Variants in CFAP90 observed in about 807,000 individuals in gnomAD.
CFAP90 encodes the protein cilia and flagella associated protein 90.
the CFAP90 span, among the ~76,000 whole-genome samples, chr5:7,837,542 C>T: frequency 6.6e-6 from 1 of 152,188 alleles, no homozygotes; most frequent in Admixed American, 6.5e-5. Context: ...TTGGAAAATA[C>T]ATAATGCCCA....
chr5:7,848,108 T>G, the CFAP90 span, among the ~76,000 whole-genome samples: 1 of 152,202 alleles, frequency 6.6e-6, no homozygotes, highest in African/African-American at 2.4e-5. Context: ...TATTGCATAC[T>G]TAAAATGTAA....
At chr5:7,844,469 A>C in the CFAP90 span, among the ~76,000 whole-genome samples, 1 of 152,082 alleles carries the variant, frequency 6.6e-6, no homozygotes, top group Non-Finnish European at 1.5e-5. Context: ...TGAGACAGGC[A>C]CTCTTTTGAT....
chr5:7,845,605 A>T, the CFAP90 span, among the ~76,000 whole-genome samples: 1 of 152,238 alleles, frequency 6.6e-6, no homozygotes, highest in African/African-American at 2.4e-5. Flanking sequence ...ATAAAATGGC[A>T]TTGTCCTTTG....
chr5:7,848,875 A>T, the CFAP90 span, among the ~76,000 whole-genome samples: 583 of 152,110 alleles, frequency 3.8e-3, 4 homozygotes, highest in African/African-American at 0.013. Context: ...TGCCATGATT[A>T]TAAGTTTCCT....
chr5:7,849,670 G>A, the CFAP90 span, among the ~76,000 whole-genome samples: 3 of 152,154 alleles, frequency 2.0e-5, no homozygotes, highest in Non-Finnish European at 4.4e-5. Flanking sequence ...GAGATGCAGG[G>A]TGCCCAGTGG....
chr5:7,834,359 C>T, the CFAP90 span, among the ~76,000 whole-genome samples: 1 of 152,084 alleles, frequency 6.6e-6, no homozygotes, highest in Non-Finnish European at 1.5e-5. Context: ...TATTTTTGTA[C>T]AGCTGTACAA....
At chr5:7,836,784 T>C in the CFAP90 span, among the ~76,000 whole-genome samples, 2 of 152,166 alleles carry the variant, frequency 1.3e-5, no homozygotes, top group Admixed American at 6.5e-5. Flanking sequence ...CATTGTTTTC[T>C]TCCTTGGTGA....
At chr5:7,850,000 C>T in the CFAP90 span, among the ~76,000 whole-genome samples, 1 of 152,086 alleles carries the variant, frequency 6.6e-6, no homozygotes, top group South Asian at 2.1e-4. Context: ...CCTGCTGTCC[C>T]GACAGAGCCA....
the CFAP90 span, among the ~76,000 whole-genome samples, chr5:7,832,662 AT>A: frequency 3.3e-5 from 5 of 151,862 alleles, no homozygotes; most frequent in Non-Finnish European, 5.9e-5. Context: ...TAGTTTTTGT[AT>A]TTTTAGTAGA....
the CFAP90 span, among the ~76,000 whole-genome samples, chr5:7,836,973 C>T: frequency 6.6e-6 from 1 of 152,102 alleles, no homozygotes; most frequent in Non-Finnish European, 1.5e-5. Context: ...GGTTCCTGAA[C>T]TCTAACACTA....
chr5:7,844,918 C>A, the CFAP90 span, among the ~76,000 whole-genome samples: 1 of 152,174 alleles, frequency 6.6e-6, no homozygotes, highest in Non-Finnish European at 1.5e-5. Flanking sequence ...CCCCTTTGTG[C>A]CTCTGGACAG....
chr5:7,847,654 A>T, the CFAP90 span, among the ~76,000 whole-genome samples: 1 of 152,202 alleles, frequency 6.6e-6, no homozygotes, highest in Admixed American at 6.5e-5. Flanking sequence ...TGACCCCAGC[A>T]TTAAAGGGGC....
At chr5:7,848,595 C>G in the CFAP90 span, among the ~76,000 whole-genome samples, 51,545 of 152,078 alleles carry the variant, frequency 0.34, 8,989 homozygotes, top group Admixed American at 0.46. Context: ...GCTGTCTTCT[C>G]CCTGTGTCCC....
chr5:7,841,077 T>A, the CFAP90 span, among the ~76,000 whole-genome samples: 1 of 151,594 alleles, frequency 6.6e-6, no homozygotes, highest in Non-Finnish European at 1.5e-5. Context: ...TGGGAGAAAA[T>A]TTTTGCAACC....
chr5:7,850,985 G>A, the CFAP90 span: 1 of 1,298,110 alleles, frequency 7.7e-7, no homozygotes, highest in South Asian at 2.8e-5. Context: ...TTGCCCCGCA[G>A]CGTGGACGCG....
At chr5:7,834,952 A>AAC in the CFAP90 span, among the ~76,000 whole-genome samples, 13 of 151,366 alleles carry the variant, frequency 8.6e-5, no homozygotes, top group South Asian at 4.2e-4. Flanking sequence ...CCCCGCACCA[A>AAC]ACACACACAC....
chr5:7,837,833 G>A, the CFAP90 span, among the ~76,000 whole-genome samples: 5 of 152,170 alleles, frequency 3.3e-5, no homozygotes, highest in East Asian at 3.8e-4. Flanking sequence ...CAGCCACTGC[G>A]GGATCCTGGT....
the CFAP90 span, among the ~76,000 whole-genome samples, chr5:7,834,705 G>T: frequency 6.6e-6 from 1 of 151,958 alleles, no homozygotes; most frequent in African/African-American, 2.4e-5. Context: ...TTTATGTTTA[G>T]ATACAAAAAT....
chr5:7,842,788 G>T, the CFAP90 span, among the ~76,000 whole-genome samples: 1 of 152,096 alleles, frequency 6.6e-6, no homozygotes, highest in African/African-American at 2.4e-5. Flanking sequence ...CCACTTTCTG[G>T]AGAGAAAAAA....
Sources: gnomAD v4.1 joint callset for allele counts (sites outside exome capture counted in the v4.1 genomes callset) on GRCh38, gnomAD v4.1.1 for gene constraint, MANE v1.5 for transcripts, NCBI Gene and HGNC (gene_info 2026-07-23, HGNC 2026-07-21) for gene names.